Variants in USP15 observed in about 807,000 individuals in gnomAD.
USP15 encodes ubiquitin carboxyl-terminal hydrolase 15.
Under a neutral mutation model 127.1 loss-of-function variants are expected in USP15, and 18 were observed. That is an observed-to-expected ratio of 0.14 (90% CI 0.10 to 0.21). The LOEUF (loss-of-function observed/expected upper bound fraction) is 0.21. Ranked by LOEUF, USP15 falls within the 10% of genes least tolerant of loss-of-function variation. The probability of loss-of-function intolerance (pLI) is 1.00; values close to 1 mark genes in which losing one functional copy is unlikely to be tolerated. For missense variants in USP15, 805 were observed against 1,159.9 expected (o/e 0.69, Z 4.44); for synonymous variants, 364 against 393.7 (o/e 0.92, Z 0.89).
In USP15 at chr12:62,408,571, T is replaced by A. The variant is rs924844474; in HGVS notation, c.*4196T>A. On this transcript the variant is annotated 3_prime_UTR_variant, in exon 22 of 22. Transcript: ENST00000280377. ...TTTTACTTTACAAAAAAATAAAAAA[T>A]TTTTTGCTCTTTGAATAACTTAACA... 16 of 152,160 alleles carry A rather than the reference T, an allele frequency of 1.1e-4. No individual in the cohort carries two copies. The South Asian group carries it at 1.5e-3, about 14-fold the overall frequency. 9.4% of individuals were successfully genotyped at this position (152,160 alleles called of 1,614,324 possible).
intron 6 of USP15, among the ~76,000 whole-genome samples, chr12:62,329,043 G>C (rs1466189405): frequency 6.6e-6 from 1 of 152,074 alleles, no homozygotes; most frequent in Admixed American, 6.6e-5. Flanking sequence ...ACCTAAATAA[G>C]AAATATAACA....
chr12:62,293,617 A>G (rs575069600), intron 1 of USP15, among the ~76,000 whole-genome samples: 167 of 152,266 alleles, frequency 1.1e-3, no homozygotes, highest in African/African-American at 3.7e-3. Context: ...CAGCCTTCCA[A>G]AGCGCTGGGA....
chr12:62,356,498 T>C (rs1400173423), intron 8 of USP15, among the ~76,000 whole-genome samples: 4 of 152,008 alleles, frequency 2.6e-5, no homozygotes, highest in Non-Finnish European at 2.9e-5. Context: ...AATTAGAATC[T>C]GTCATACACT....
rs145048671 is a variant in USP15 at position 62,400,996 on chromosome 12, A to G, written c.2675-191A>G. On this transcript the variant is annotated intron_variant, in intron 20 of 21. Transcript: ENST00000280377. Reference sequence around the variant, plus strand: ...ATGAAAAAAGAATGTTTCAACTTACATGAAAATTATTTTTGGCATCTAATT... The same window carrying G: ...ATGAAAAAAGAATGTTTCAACTTACGTGAAAATTATTTTTGGCATCTAATT... Among the ~76,000 whole-genome samples, 273 of 152,204 alleles carry G rather than the reference A, an allele frequency of 1.8e-3. 1 individual carries two copies. Among genetic ancestry groups the G allele is most frequent in the African/African-American group, 6.4e-3 (265 of 41,564 alleles).
At chr12:62,296,838 G>C (rs986683512) in intron 2 of USP15, among the ~76,000 whole-genome samples, 18 of 152,144 alleles carry the variant, frequency 1.2e-4, no homozygotes, top group African/African-American at 3.6e-4. Context: ...CTCTCCCTTG[G>C]GGGAAAAGAG....
chr12:62,359,295 G>T (rs1486881234), intron 8 of USP15, among the ~76,000 whole-genome samples: 3 of 149,420 alleles, frequency 2.0e-5, no homozygotes, highest in African/African-American at 7.4e-5. Flanking sequence ...TAAGATCACA[G>T]TTTATGGAGT....
chr12:62,264,394 C>T (rs143592491), intron 1 of USP15, among the ~76,000 whole-genome samples: 223 of 152,326 alleles, frequency 1.5e-3, no homozygotes, highest in African/African-American at 5.1e-3. Flanking sequence ...TGTTATTCAT[C>T]TGCCAATCAT....
At chr12:62,399,787 T>A (rs968446873) in intron 20 of USP15, among the ~76,000 whole-genome samples, 7 of 152,152 alleles carry the variant, frequency 4.6e-5, no homozygotes, top group African/African-American at 1.7e-4. Context: ...AACTTAGAGT[T>A]TAAACCATTA....
At position 62,394,831 on chromosome 12, in the gene USP15, G is replaced by A. The variant is rs114660732; in HGVS notation, c.2571-1464G>A. ...GCCACTGCACTCCAGGCTGCCTGGC[G>A]ACAGAGCGAGACTCCCTCTCAAAAA... On this transcript the variant is annotated intron_variant, in intron 19 of 21. Coordinates refer to ENST00000280377, the MANE Select transcript of USP15 (RefSeq NM_001252078.2). Among the ~76,000 whole-genome samples the A allele has an allele frequency of 4.4e-3, 656 of 148,162 alleles. 3 individuals are homozygous for A. Among genetic ancestry groups the A allele is most frequent in the African/African-American group, 0.015 (604 of 40,078 alleles).
At chr12:62,325,237 G>T (rs546644696) in intron 5 of USP15, among the ~76,000 whole-genome samples, 2 of 151,996 alleles carry the variant, frequency 1.3e-5, no homozygotes, top group Non-Finnish European at 2.9e-5. Context: ...TTTATTAGAG[G>T]TGATTTCTGT....
intron 8 of USP15, among the ~76,000 whole-genome samples, chr12:62,364,367 T>C (rs1168087346): frequency 6.6e-6 from 1 of 152,160 alleles, no homozygotes. Context: ...CAATTCAGAA[T>C]AGTATAAATG....
chr12:62,286,283 C>T (rs1486717702), intron 1 of USP15, among the ~76,000 whole-genome samples: 1 of 152,060 alleles, frequency 6.6e-6, no homozygotes, highest in Non-Finnish European at 1.5e-5. Flanking sequence ...AAAAAATGCA[C>T]AAAATCACTA....
chr12:62,403,374 GTGT>G (rs1272879146), intron 21 of USP15, among the ~76,000 whole-genome samples: 4 of 152,064 alleles, frequency 2.6e-5, no homozygotes, highest in Admixed American at 2.6e-4. Context: ...GATCTGAGTA[GTGT>G]TGTCACAGAA....
chr12:62,278,021 A>T (rs1195839125), intron 1 of USP15, among the ~76,000 whole-genome samples: 2 of 152,208 alleles, frequency 1.3e-5, no homozygotes, highest in African/African-American at 4.8e-5. Flanking sequence ...CCAATACATT[A>T]TACAGCTGTA....
chr12:62,340,836 A>G (rs943505449), intron 6 of USP15, among the ~76,000 whole-genome samples: 2 of 147,104 alleles, frequency 1.4e-5, no homozygotes, highest in South Asian at 4.3e-4. Context: ...CGGTGCTGAG[A>G]AGAATGTATA....
chr12:62,384,397 T>G, intron 11 of USP15, 95 bp downstream of exon 11: 1 of 945,970 alleles, frequency 1.1e-6, no homozygotes, highest in Non-Finnish European at 1.5e-6. Flanking sequence ...ATTATAAAAA[T>G]TAAGTATTGA....
intron 3 of USP15, among the ~76,000 whole-genome samples, chr12:62,306,842 C>G (rs1209946974): frequency 6.6e-6 from 1 of 152,054 alleles, no homozygotes; most frequent in Non-Finnish European, 1.5e-5. Context: ...CTGTAAGTTA[C>G]CTCAGAAAAA....
chr12:62,326,988 G>T (rs898031419), intron 6 of USP15, among the ~76,000 whole-genome samples: 1 of 151,962 alleles, frequency 6.6e-6, no homozygotes, highest in African/African-American at 2.4e-5. Context: ...AAATTAGCCA[G>T]GAGTGATGAT....
chr12:62,359,597 A>G (rs957208336), intron 8 of USP15, among the ~76,000 whole-genome samples: 1 of 152,244 alleles, frequency 6.6e-6, no homozygotes, highest in East Asian at 1.9e-4. Flanking sequence ...TAACCGTTCT[A>G]TCTGTCCTCT....
Sources: allele counts gnomAD v4.1 joint callset (sites outside exome capture counted in the v4.1 genomes callset), GRCh38; gene constraint gnomAD v4.1.1; transcripts MANE v1.5; gene names NCBI Gene and HGNC (gene_info 2026-07-23, HGNC 2026-07-21).